Variants in DPY19L1 observed in about 807,000 individuals in gnomAD.
DPY19L1 encodes the protein protein C-mannosyl-transferase DPY19L1.
Under a neutral mutation model 96.9 loss-of-function variants are expected in DPY19L1, and 35 were observed. The ratio of observed to expected loss-of-function variants is 0.36; its 90% CI spans 0.28 to 0.48. The LOEUF is 0.48. Among genes scored for constraint, DPY19L1 ranks in the 20% least tolerant of loss-of-function variants. The probability of loss-of-function intolerance (pLI) is 0.99; values close to 1 mark genes in which losing one functional copy is unlikely to be tolerated. For synonymous variants in DPY19L1, 205 were observed against 252.6 expected, an observed-to-expected ratio of 0.81 and a Z score of 1.79; for missense variants, 521 against 777.9, an observed-to-expected ratio of 0.67 and a Z score of 3.93.
chr7:34,940,126 C>CTT, intron 19 of DPY19L1, 27 bp downstream of exon 19: 1 of 1,418,100 alleles, frequency 7.1e-7, no homozygotes. Flanking sequence ...AATAATATGA[C>CTT]TTTTTTTTTC....
chr7:34,939,057 G>T, intron 20 of DPY19L1: 1 of 439,674 alleles, frequency 2.3e-6, no homozygotes, highest in Non-Finnish European at 4.0e-6. Flanking sequence ...ATGCCTGGTA[G>T]AGAAGAGAGC....
chr7:34,960,237 T>C (rs572357540), intron 10 of DPY19L1, among the ~76,000 whole-genome samples: 9 of 151,920 alleles, frequency 5.9e-5, no homozygotes, highest in Non-Finnish European at 1.2e-4. Flanking sequence ...AAAATTACTT[T>C]ATTCAATAAC....
At position 35,017,928 on chromosome 7, in the gene DPY19L1, G is replaced by A; in HGVS notation, c.365C>T (p.Ser122Phe). The A allele has an allele frequency of 1.2e-6, 2 of 1,606,052 alleles. No homozygotes were observed. The highest frequency in any genetic ancestry group is 1.7e-6 in the Non-Finnish European group (2 of 1,175,930). Residue 122 changes from serine to phenylalanine, a missense_variant, in exon 3 of 22, where the codon TCT (serine) becomes TTT (phenylalanine). Transcript: ENST00000638088. ...CTCCCTTTCCAATGTTGAGAGGTGAGAAAAATGACGGTCATTTTCAAAGAG... is the reference window on the plus strand; with the variant it reads ...CTCCCTTTCCAATGTTGAGAGGTGAAAAAAATGACGGTCATTTTCAAAGAG... ...THLFENDRHF[S>F]HLSTLEREMA... is the part of the protein sequence containing the mutation.
intron 6 of DPY19L1, among the ~76,000 whole-genome samples, chr7:34,998,479 T>C (rs328927): frequency 0.27 from 41,603 of 152,046 alleles, 5,805 homozygotes; most frequent in Non-Finnish European, 0.31. Context: ...AGAAAGTGTG[T>C]GCTCAGCCCT....
At chr7:34,955,501 T>A (rs575779832) in intron 11 of DPY19L1, 134 bp from the exon 12 acceptor site, 3 of 1,117,650 alleles carry the variant, frequency 2.7e-6, no homozygotes, top group Non-Finnish European at 3.8e-6. Context: ...CCACATACCA[T>A]CCACATGCTC....
At chr7:34,933,119 T>C (rs1562796646) in intron 21 of DPY19L1, among the ~76,000 whole-genome samples, 1 of 152,100 alleles carries the variant, frequency 6.6e-6, no homozygotes, top group Non-Finnish European at 1.5e-5. Context: ...CAATCCAGCA[T>C]ATATCCTGCT....
At chr7:34,999,830 AC>A in intron 6 of DPY19L1, among the ~76,000 whole-genome samples, 1 of 152,332 alleles carries the variant, frequency 6.6e-6, no homozygotes, top group Middle Eastern at 3.4e-3. Flanking sequence ...TACCAAATAA[AC>A]AATTATTTAT....
intron 7 of DPY19L1, among the ~76,000 whole-genome samples, chr7:34,985,667 A>G (rs747409183): frequency 8.5e-5 from 13 of 152,100 alleles, no homozygotes; most frequent in Non-Finnish European, 1.6e-4. Context: ...AAAAAAGACA[A>G]ATGATAAGTG....
chr7:34,941,882 C>T lies in DPY19L1; in HGVS notation c.1572G>A (p.Leu524=). The part of the protein sequence containing the change: ...VRKHQFDHGE[L]VYHALQLLAY... The stretch of plus-strand genomic sequence containing the variant: ...CTAACAATTGCAATGCATGGTAAAC[C>T]AGCTGAAAGAAAGAAGAAAATGTTT... Residue 524 remains leucine (L), a splice_region_variant and synonymous_variant, in exon 18 of 22, where the codon CTG becomes CTA. Coordinates refer to ENST00000638088, the MANE Select transcript of DPY19L1 (RefSeq NM_001366673.1). 1 of 1,565,098 alleles carries T rather than the reference C, an allele frequency of 6.4e-7. No individual in the cohort carries two copies. The highest frequency in any genetic ancestry group is 8.6e-7 in the Non-Finnish European group (1 of 1,162,550).
intron 6 of DPY19L1, among the ~76,000 whole-genome samples, chr7:34,999,593 A>G (rs1785375396): frequency 6.6e-6 from 1 of 152,162 alleles, no homozygotes; most frequent in Non-Finnish European, 1.5e-5. Context: ...GCTAAACGGA[A>G]GCCCAGGGAA....
chr7:34,938,491 C>G (rs1783920965), intron 20 of DPY19L1, among the ~76,000 whole-genome samples: 2 of 152,186 alleles, frequency 1.3e-5, no homozygotes, highest in Admixed American at 1.3e-4. Context: ...GAAGCTGCAA[C>G]AGTCCCAACT....
rs1463390714 is a variant in DPY19L1 at position 34,929,972 on chromosome 7, AG to A, written c.*1600del. 1 of 152,246 alleles carries A rather than the reference AG, an allele frequency of 6.6e-6. No homozygotes were observed. Among genetic ancestry groups the A allele is most frequent in the African/African-American group, 2.4e-5 (1 of 41,450 alleles). 9.4% of individuals were successfully genotyped at this position (152,246 alleles called of 1,614,324 possible). A position where few individuals can be genotyped will look rare whatever the true frequency, so the allele number is the denominator to read the frequency against. ...AAGACTGGGGGGCGGTGCTTCTCTG[AG>A]GGCACACTCCTCAGCCTTTGCAGCT... is the stretch of plus-strand genomic sequence containing the variant. On this transcript the variant is annotated 3_prime_UTR_variant, in exon 22 of 22. Coordinates refer to ENST00000638088, the MANE Select transcript of DPY19L1 (RefSeq NM_001366673.1).
In DPY19L1 at chr7:35,037,360, G is replaced by C; in HGVS notation, c.35C>G (p.Ala12Gly). The C allele has an allele frequency of 2.8e-6, 1 of 355,026 alleles. No homozygotes were observed. Among genetic ancestry groups the C allele is most frequent in the Non-Finnish European group, 5.0e-6 (1 of 198,106 alleles). The allele number at this position is 355,026 out of a possible 1,614,324, so 22.0% of individuals were successfully genotyped here. The change falls in exon 1 of 22, where the codon GCG (alanine) becomes GGG (glycine). Residue 12 changes from alanine to glycine, a missense_variant. Physicochemically the swap from Ala to Gly is moderately conservative, Grantham distance 60. Transcript: ENST00000638088. ...GGGTGGCTGGGGCGGCTTGGGAGCC[G>C]CCTCCCGGTGCTTGTTCCGCGCCTG... Reference protein sequence around the residue: ...VLQARNKHREAAPKPPQPPRA... With the variant: ...VLQARNKHREGAPKPPQPPRA...
At chr7:34,949,981 T>A in intron 13 of DPY19L1, 83 bp from the exon 14 acceptor site, 1 of 724,208 alleles carries the variant, frequency 1.4e-6, no homozygotes, top group East Asian at 3.2e-5. Flanking sequence ...GAAAATAGTT[T>A]TCATTACATT....
At chr7:34,961,412 C>T (rs1784498858) in intron 10 of DPY19L1, among the ~76,000 whole-genome samples, 1 of 152,102 alleles carries the variant, frequency 6.6e-6, no homozygotes, top group African/African-American at 2.4e-5. Context: ...GTCCTTTCCA[C>T]AAACGGTGCT....
chr7:35,014,109 C>T (rs2893489), intron 3 of DPY19L1, among the ~76,000 whole-genome samples: 29,796 of 152,022 alleles, frequency 0.2, 3,292 homozygotes, highest in Admixed American at 0.35. Context: ...CCTCTAACTG[C>T]TTATTTTAAT....
At chr7:34,946,625 G>C (rs1447167292) in intron 15 of DPY19L1, among the ~76,000 whole-genome samples, 1 of 152,200 alleles carries the variant, frequency 6.6e-6, no homozygotes, top group Non-Finnish European at 1.5e-5. Flanking sequence ...ACAAAGCCTA[G>C]CACACAGCAG....
At chr7:34,936,933 T>C (rs376464533) in intron 21 of DPY19L1, among the ~76,000 whole-genome samples, 1 of 152,188 alleles carries the variant, frequency 6.6e-6, no homozygotes, top group Admixed American at 6.5e-5. Context: ...AATATAGCAA[T>C]CTCTTGAACG....
chr7:34,957,239 G>A (rs1430718126), intron 11 of DPY19L1, among the ~76,000 whole-genome samples: 2 of 152,134 alleles, frequency 1.3e-5, no homozygotes, highest in Non-Finnish European at 2.9e-5. Flanking sequence ...AAAACTAGCC[G>A]GGCATGGTGG....
Sources: gnomAD v4.1 joint callset for allele counts (sites outside exome capture counted in the v4.1 genomes callset) on GRCh38, gnomAD v4.1.1 for gene constraint, MANE v1.5 for transcripts, NCBI Gene and HGNC (gene_info 2026-07-23, HGNC 2026-07-21) for gene names.